RABGAP1: variants seen among roughly 807,000 people sequenced by gnomAD.
The protein encoded by RABGAP1 is rab GTPase-activating protein 1.
RABGAP1 carries 23 observed loss-of-function variants against 137.6 expected under a neutral mutation model. The observed-to-expected ratio is 0.17, with a 90% CI of 0.12 to 0.24. The LOEUF (loss-of-function observed/expected upper bound fraction) is 0.24. Among genes scored for constraint, RABGAP1 ranks in the 10% least tolerant of loss-of-function variants. The pLI, the probability that RABGAP1 is intolerant of heterozygous loss-of-function variation, is 1.00. For missense variants in RABGAP1, 906 were observed against 1,275.8 expected, an observed-to-expected ratio of 0.71 and a Z score of 4.42; for synonymous variants, 451 against 450.7, an observed-to-expected ratio of 1.00 and a Z score of -0.01.
At chr9:122,999,366 A>G (rs917330686) in intron 10 of RABGAP1, among the ~76,000 whole-genome samples, 4 of 150,484 alleles carry the variant, frequency 2.7e-5, no homozygotes, top group Admixed American at 6.6e-5. Context: ...TTTTTTTGTA[A>G]TTTTAGTAAA....
At chr9:122,974,009 CCA>C (rs1564370817) in intron 2 of RABGAP1, among the ~76,000 whole-genome samples, 10 of 124,624 alleles carry the variant, frequency 8.0e-5, no homozygotes, top group Admixed American at 2.4e-4. Flanking sequence ...TCGTCTCAAA[CCA>C]AAAAAAAAAA....
Position 122,997,279 on chromosome 9 carries a change from A to T in RABGAP1, c.1122A>T (p.Ser374=), listed in dbSNP as rs564555984. 1.9e-6 allele frequency: 3 copies of T among 1,605,454 alleles called. No individual in the cohort carries two copies. The East Asian group carries it at 6.7e-5, about 36-fold the overall frequency. ...TCTAGGAATCTATGGGCAAAAGTTCAGATGGAAAGTCGTATGTTATTACGG... is the reference window on the plus strand; with the variant it reads ...TCTAGGAATCTATGGGCAAAAGTTCTGATGGAAAGTCGTATGTTATTACGG... ...LLDLESMGKS[S]DGKSYVITGS... Residue 374 remains serine (S), a synonymous_variant, in exon 9 of 26, where the codon TCA becomes TCT. Transcript: ENST00000373647.
intron 12 of RABGAP1, among the ~76,000 whole-genome samples, chr9:123,018,984 T>A (rs2031432786): frequency 6.6e-6 from 1 of 152,210 alleles, no homozygotes; most frequent in South Asian, 2.1e-4. Flanking sequence ...ACCTCAGTCA[T>A]TTAATTGACT....
At chr9:122,999,397 G>A (rs1588242931) in intron 10 of RABGAP1, among the ~76,000 whole-genome samples, 1 of 151,768 alleles carries the variant, frequency 6.6e-6, no homozygotes. Context: ...CACTCTGTTG[G>A]CCAGGCTGGT....
chr9:123,078,319 A>C (rs192757492), intron 19 of RABGAP1, among the ~76,000 whole-genome samples: 136 of 152,282 alleles, frequency 8.9e-4, no homozygotes, highest in African/African-American at 2.9e-3. Context: ...AAAATGTTAC[A>C]TACTTCATAG....
chr9:122,963,442 A>G (rs758614996), intron 2 of RABGAP1, among the ~76,000 whole-genome samples: 39 of 152,172 alleles, frequency 2.6e-4, no homozygotes, highest in South Asian at 1.5e-3. Context: ...ATCCAACCAT[A>G]AGGGCAGGAA....
At chr9:122,997,962 C>G (rs1354166224) in intron 9 of RABGAP1, among the ~76,000 whole-genome samples, 1 of 152,094 alleles carries the variant, frequency 6.6e-6, no homozygotes, top group Non-Finnish European at 1.5e-5. Flanking sequence ...ACAGACCATT[C>G]AAATACCATT....
At chr9:122,994,434 CTG>C (rs1482405922) in intron 6 of RABGAP1, among the ~76,000 whole-genome samples, 1 of 152,196 alleles carries the variant, frequency 6.6e-6, no homozygotes, top group Non-Finnish European at 1.5e-5. Context: ...GGTGAAAACT[CTG>C]TCACAAATAT....
chr9:123,018,046 T>C (rs571748112), intron 12 of RABGAP1, among the ~76,000 whole-genome samples: 1 of 152,338 alleles, frequency 6.6e-6, no homozygotes, highest in Non-Finnish European at 1.5e-5. Flanking sequence ...CAGGCTGGAG[T>C]GCAGTGGCGC....
intron 17 of RABGAP1, among the ~76,000 whole-genome samples, chr9:123,075,149 AAT>A (rs2034472231): frequency 6.6e-6 from 1 of 152,086 alleles, no homozygotes; most frequent in African/African-American, 2.4e-5. Context: ...AATAATTTAA[AAT>A]ACTACAAATC....
chr9:123,022,092 C>A (rs1431426551), intron 13 of RABGAP1, among the ~76,000 whole-genome samples: 1 of 152,124 alleles, frequency 6.6e-6, no homozygotes, highest in Non-Finnish European at 1.5e-5. Flanking sequence ...CTTTTGTTGG[C>A]AAATCATATT....
intron 2 of RABGAP1, among the ~76,000 whole-genome samples, chr9:122,971,347 C>T (rs1453259331): frequency 6.6e-6 from 1 of 152,102 alleles, no homozygotes; most frequent in Non-Finnish European, 1.5e-5. Flanking sequence ...GAAGCAATTG[C>T]AGAACTACTC....
chr9:122,988,696 C>G (rs548212363), intron 4 of RABGAP1, among the ~76,000 whole-genome samples: 11 of 151,612 alleles, frequency 7.3e-5, no homozygotes, highest in Non-Finnish European at 1.3e-4. Context: ...GCCTGTAATC[C>G]CAGCACTTTG....
intron 19 of RABGAP1, among the ~76,000 whole-genome samples, chr9:123,079,284 G>T (rs1468951566): frequency 6.9e-6 from 1 of 144,688 alleles, no homozygotes; most frequent in African/African-American, 2.6e-5. Flanking sequence ...TTGTCACCCA[G>T]GCCGGAGTGC....
chr9:122,976,566 G>T (rs998052176), intron 2 of RABGAP1, among the ~76,000 whole-genome samples: 1 of 152,096 alleles, frequency 6.6e-6, no homozygotes, highest in Non-Finnish European at 1.5e-5. Flanking sequence ...ACCAAAATTT[G>T]TAGAATATTC....
At chr9:123,097,887 G>A (rs770749579) in intron 22 of RABGAP1, 42 bp downstream of exon 22, 1 of 1,536,234 alleles carries the variant, frequency 6.5e-7, no homozygotes, top group Non-Finnish European at 8.9e-7. Context: ...GCAAATGCTT[G>A]AGAACTGGGA....
intron 4 of RABGAP1, among the ~76,000 whole-genome samples, chr9:122,988,403 A>G (rs1251434989): frequency 1.3e-5 from 2 of 152,218 alleles, no homozygotes; most frequent in East Asian, 3.9e-4. Flanking sequence ...GGAATGTTGT[A>G]GGTATCACAT....
Position 122,957,039 on chromosome 9 carries a change from G to T in RABGAP1, c.-21G>T, listed in dbSNP as rs1375110031. The T allele has an allele frequency of 6.8e-6, 10 of 1,478,888 alleles. No individual in the cohort carries two copies. Among genetic ancestry groups the T allele is most frequent in the Non-Finnish European group, 8.2e-6 (9 of 1,094,760 alleles). 91.6% of individuals were successfully genotyped at this position (1,478,888 alleles called of 1,614,324 possible). On this transcript the variant is annotated 5_prime_UTR_variant, in exon 2 of 26. Coordinates refer to ENST00000373647, the MANE Select transcript of RABGAP1 (RefSeq NM_012197.4). Reference sequence around the variant, plus strand: ...TTAAAAAATATTTAATCATTCATGTGTTGAGACTCATTCTTGAGTTATGGA... The same window carrying T: ...TTAAAAAATATTTAATCATTCATGTTTTGAGACTCATTCTTGAGTTATGGA...
intron 2 of RABGAP1, among the ~76,000 whole-genome samples, chr9:122,983,475 T>G (rs1836192648): frequency 6.6e-6 from 1 of 152,220 alleles, no homozygotes; most frequent in Admixed American, 6.5e-5. Flanking sequence ...ACTTGAAGTT[T>G]ATAGAATTAT....
Sources: gnomAD v4.1 joint callset for allele counts (sites outside exome capture counted in the v4.1 genomes callset) on GRCh38, gnomAD v4.1.1 for gene constraint, MANE v1.5 for transcripts, NCBI Gene and HGNC (gene_info 2026-07-23, HGNC 2026-07-21) for gene names.